PARP8: variants seen among roughly 807,000 people sequenced by gnomAD.
PARP8 encodes poly(ADP-ribose) polymerase family member 8, also known as protein mono-ADP-ribosyltransferase PARP8.
In PARP8, 51 loss-of-function variants were observed where a neutral mutation model predicts 124.1. That is an observed-to-expected ratio of 0.41 (90% CI 0.33 to 0.52). The LOEUF (loss-of-function observed/expected upper bound fraction) is 0.52. PARP8 is among the 20% of genes least tolerant of loss of function. The probability of loss-of-function intolerance (pLI) is 0.21; values close to 1 mark genes in which losing one functional copy is unlikely to be tolerated. For missense variants in PARP8, 860 were observed against 1,018.9 expected, an observed-to-expected ratio of 0.84 and a Z score of 2.12; for synonymous variants, 391 against 361.5, an observed-to-expected ratio of 1.08 and a Z score of -0.93.
chr5:50,690,837 A>C (rs1752415129), intron 2 of PARP8, among the ~76,000 whole-genome samples: 1 of 151,608 alleles, frequency 6.6e-6, no homozygotes, highest in Non-Finnish European at 1.5e-5. Context: ...GGAAACAAAC[A>C]CTCTCTTTCT....
chr5:50,790,460 C>T (rs1269278530), intron 10 of PARP8, among the ~76,000 whole-genome samples: 1 of 152,122 alleles, frequency 6.6e-6, no homozygotes, highest in Admixed American at 6.6e-5. Context: ...CACCTTGACA[C>T]ATTTTTTTTA....
rs368973300 is a variant in PARP8 at position 50,790,377 on chromosome 5, G to A, written c.737+1788G>A. ...TTCCTGCATTGTGCCCATATCCTGC[G>A]TGTCTTGGAGATGAGCATGGAGCCT... On this transcript the variant is annotated intron_variant, in intron 10 of 25. Transcript: ENST00000281631. 2.2e-4 allele frequency among the ~76,000 whole-genome samples: 34 copies of A among 152,112 alleles called. 1 individual carries two copies. The South Asian group carries it at 5.8e-3, about 26-fold the overall frequency.
intron 2 of PARP8, among the ~76,000 whole-genome samples, chr5:50,729,812 A>C (rs1756798844): frequency 6.6e-6 from 1 of 152,318 alleles, no homozygotes; most frequent in African/African-American, 2.4e-5. Context: ...GACTTTAAAC[A>C]TAAAAATACT....
chr5:50,762,588 A>G (rs1760657274), intron 6 of PARP8, among the ~76,000 whole-genome samples: 1 of 152,210 alleles, frequency 6.6e-6, no homozygotes, highest in Non-Finnish European at 1.5e-5. Context: ...GAAGGACGTT[A>G]AAGCCAAAAT....
At chr5:50,750,473 G>T (rs1759117338) in intron 3 of PARP8, among the ~76,000 whole-genome samples, 1 of 151,912 alleles carries the variant, frequency 6.6e-6, no homozygotes, top group Admixed American at 6.6e-5. Context: ...AGAGATCAAT[G>T]GTCTAATTGT....
chr5:50,669,173 A>G (rs1049911087), intron 2 of PARP8: 6 of 152,232 alleles, frequency 3.9e-5, no homozygotes, highest in Admixed American at 6.5e-5. Flanking sequence ...GAATTAGCAC[A>G]TTGATTTACT....
chr5:50,771,147 A>T (rs1242653727), intron 7 of PARP8, among the ~76,000 whole-genome samples: 3 of 150,056 alleles, frequency 2.0e-5, no homozygotes, highest in African/African-American at 4.9e-5. Flanking sequence ...ACATATATAT[A>T]ATATATATAT....
At chr5:50,795,989 A>G (rs555936585) in intron 12 of PARP8, among the ~76,000 whole-genome samples, 2 of 152,198 alleles carry the variant, frequency 1.3e-5, no homozygotes, top group South Asian at 4.1e-4. Flanking sequence ...TTTGGGGGAC[A>G]TGGGACCAGA....
chr5:50,794,898 A>C lies in PARP8; in HGVS notation c.909A>C (p.Lys303Asn). 1 of 1,614,136 alleles carries C rather than the reference A, an allele frequency of 6.2e-7. No individual in the cohort carries two copies. The highest frequency in any genetic ancestry group is 1.1e-5 in the South Asian group (1 of 91,078). ...PPPGCGKSKS[K>N]LKSEQDGISK... ...CTGGTTGTGGCAAAAGCAAATCCAAACTGAAATCTGAGCAGGACGGAATCT... is the reference window on the plus strand; with the variant it reads ...CTGGTTGTGGCAAAAGCAAATCCAACCTGAAATCTGAGCAGGACGGAATCT... The change falls in exon 12 of 26, where the codon AAA (lysine) becomes AAC (asparagine). Residue 303 changes from lysine to asparagine, a missense_variant. Around this residue, in one of 2 missense-constraint regions of PARP8, gnomAD observed 517 missense variants for 544.2 expected, o/e 0.95. Transcript: ENST00000281631.
intron 1 of PARP8, chr5:50,667,556 G>T: frequency 1.4e-6 from 1 of 697,490 alleles, no homozygotes; most frequent in South Asian, 1.5e-5. Flanking sequence ...GCAATGGGCT[G>T]AGCGGCGGCG....
At chr5:50,804,975 C>T (rs71615987) in intron 14 of PARP8, among the ~76,000 whole-genome samples, 40 of 151,998 alleles carry the variant, frequency 2.6e-4, no homozygotes, top group Middle Eastern at 3.4e-3. Context: ...ACAAGTTTTA[C>T]GGTTCTTACC....
At chr5:50,680,235 C>T (rs1751135003) in intron 2 of PARP8, among the ~76,000 whole-genome samples, 1 of 152,190 alleles carries the variant, frequency 6.6e-6, no homozygotes, top group South Asian at 2.1e-4. Flanking sequence ...TTTTTCACAA[C>T]TTCCTCCCCT....
intron 9 of PARP8, among the ~76,000 whole-genome samples, chr5:50,786,802 C>G (rs1741305680): frequency 6.6e-6 from 1 of 152,144 alleles, no homozygotes; most frequent in Non-Finnish European, 1.5e-5. Flanking sequence ...CCTCCACCTA[C>G]ATAGACTTAC....
chr5:50,669,996 A>C (rs1749818742), intron 2 of PARP8, among the ~76,000 whole-genome samples: 1 of 152,246 alleles, frequency 6.6e-6, no homozygotes, highest in African/African-American at 2.4e-5. Context: ...TCTAAAATAC[A>C]ATATGTAAAA....
chr5:50,757,576 A>G (rs1760102676), intron 3 of PARP8, among the ~76,000 whole-genome samples: 1 of 152,174 alleles, frequency 6.6e-6, no homozygotes, highest in African/African-American at 2.4e-5. Context: ...TAATTCCTAA[A>G]CACTAATCAA....
chr5:50,816,229 G>A (rs919812648), intron 15 of PARP8, among the ~76,000 whole-genome samples: 1 of 152,122 alleles, frequency 6.6e-6, no homozygotes, highest in Admixed American at 6.6e-5. Context: ...TTTAATGTAT[G>A]TTAAAGTAGG....
chr5:50,744,627 A>G (rs1197249985), intron 2 of PARP8: 10 of 663,330 alleles, frequency 1.5e-5, no homozygotes, highest in Non-Finnish European at 2.4e-5. Context: ...TATAATATAT[A>G]CCAAACACAT....
chr5:50,801,112 TTA>T (rs376953446), intron 14 of PARP8, among the ~76,000 whole-genome samples: 3 of 150,948 alleles, frequency 2.0e-5, no homozygotes, highest in Non-Finnish European at 1.5e-5. Context: ...GCTATCCAAA[TTA>T]TATATATATA....
At position 50,778,510 on chromosome 5, in the gene PARP8, T is replaced by G. The variant is rs537459787; in HGVS notation, c.580-50T>G. 7 of 1,436,860 alleles carry G rather than the reference T, an allele frequency of 4.9e-6. No homozygotes were observed. The African/African-American group carries it at 1.0e-4, about 21-fold the overall frequency. 89.0% of individuals were successfully genotyped at this position (1,436,860 alleles called of 1,614,324 possible). ...AAAAGTTTGTGTGTTTTTTTTTTCA[T>G]TTTGAACTCTAAAAGATGATTAATT... is the stretch of plus-strand genomic sequence containing the variant. On this transcript the variant is annotated intron_variant, in intron 8 of 25. Transcript: ENST00000281631.
Sources: gnomAD v4.1 joint callset for allele counts (sites outside exome capture counted in the v4.1 genomes callset) on GRCh38, gnomAD v4.1.1 for gene constraint, gnomAD v4.1.1 regional missense constraint, MANE v1.5 for transcripts, NCBI Gene and HGNC (gene_info 2026-07-23, HGNC 2026-07-21) for gene names.